Variants in NUP58 observed in about 807,000 individuals in gnomAD.
NUP58 encodes the protein nucleoporin 58.
NUP58 carries 17 observed loss-of-function variants against 70.1 expected under a neutral mutation model. The observed-to-expected ratio is 0.24, with a 90% confidence interval of 0.17 to 0.36. NUP58 has a LOEUF of 0.36. NUP58 is among the 10% of genes least tolerant of loss of function. The pLI, the probability that NUP58 is intolerant of heterozygous loss-of-function variation, is 1.00. For missense variants in NUP58, 644 were observed against 701.5 expected (o/e 0.92, Z 0.93); for synonymous variants, 275 against 257.6 (o/e 1.07, Z -0.65).
intron 15 of NUP58, 63 bp downstream of exon 15, chr13:25,338,794 T>C: frequency 1.4e-6 from 2 of 1,408,954 alleles, no homozygotes; most frequent in Non-Finnish European, 2.0e-6. Context: ...AATTTAAAAG[T>C]ATGTGTTGTT....
chr13:25,314,737 A>T (rs572391303), intron 5 of NUP58, among the ~76,000 whole-genome samples: 1 of 152,276 alleles, frequency 6.6e-6, no homozygotes, highest in African/African-American at 2.4e-5. Flanking sequence ...AGATTTATCA[A>T]CACAAGATGC....
intron 8 of NUP58, 113 bp downstream of exon 8, chr13:25,320,708 G>A: frequency 3.8e-6 from 3 of 799,484 alleles, no homozygotes; most frequent in South Asian, 3.8e-5. Flanking sequence ...TCTTAACTAG[G>A]GTTAAAATGT....
intron 2 of NUP58, 192 bp downstream of exon 2, chr13:25,308,140 C>T (rs1213893477): frequency 2.0e-6 from 1 of 494,588 alleles, no homozygotes; most frequent in African/African-American, 1.9e-5. Flanking sequence ...CTGTCATCTA[C>T]TCTGATATAA....
At chr13:25,331,658 C>A (rs1281355095) in intron 13 of NUP58, 100 bp downstream of exon 13, 1 of 1,506,462 alleles carries the variant, frequency 6.6e-7, no homozygotes, top group Non-Finnish European at 8.9e-7. Flanking sequence ...GAAGAAATTT[C>A]TATGAGTAGC....
chr13:25,319,040 A>T (rs1162087753), intron 6 of NUP58, among the ~76,000 whole-genome samples: 1 of 152,162 alleles, frequency 6.6e-6, no homozygotes, highest in Non-Finnish European at 1.5e-5. Context: ...TCTTCATAAA[A>T]TGCTTTGCTT....
chr13:25,322,128 A>G (rs1349761723), intron 9 of NUP58, among the ~76,000 whole-genome samples: 1 of 152,252 alleles, frequency 6.6e-6, no homozygotes, highest in African/African-American at 2.4e-5. Context: ...ATAGCAGTCT[A>G]GAAATCTTTC....
intron 1 of NUP58, among the ~76,000 whole-genome samples, chr13:25,306,422 A>G (rs1186836454): frequency 6.6e-6 from 1 of 151,348 alleles, no homozygotes; most frequent in Admixed American, 6.6e-5. Flanking sequence ...AAAATCTGCT[A>G]AGTGGGTACT....
rs764804771 is a variant in NUP58 at position 25,338,740 on chromosome 13, G to A, written c.1630+9G>A. 1.4e-5 allele frequency: 22 copies of A among 1,600,978 alleles called. No individual in the cohort carries two copies. The highest frequency in any genetic ancestry group is 1.9e-5 in the Non-Finnish European group (22 of 1,169,236). On this transcript the variant is annotated intron_variant, in intron 15 of 15. Coordinates refer to ENST00000381736, the MANE Select transcript of NUP58 (RefSeq NM_014089.4). ...AGGAAGTCTTAGTGCAGGTTTGTGT[G>A]TTTCTGCCTGGATTTCAGGCAAATT...
chr13:25,343,981 A>G (rs2032018394), downstream of NUP58, among the ~76,000 whole-genome samples: 1 of 151,932 alleles, frequency 6.6e-6, no homozygotes, highest in South Asian at 2.1e-4. Flanking sequence ...GTGTGTTTTA[A>G]TGTCACATTG....
chr13:25,324,893 T>C, intron 9 of NUP58, 96 bp from the exon 10 acceptor site: 1 of 802,210 alleles, frequency 1.2e-6, no homozygotes, highest in Non-Finnish European at 2.1e-6. Flanking sequence ...TGTTTGAAGT[T>C]TCAGTCCAGA....
chr13:25,331,345 T>C lies in NUP58; in HGVS notation c.1234-12T>C. The C allele has an allele frequency of 6.3e-7, 1 of 1,593,038 alleles. No homozygotes were observed. Among genetic ancestry groups the C allele is most frequent in the Non-Finnish European group, 8.5e-7 (1 of 1,178,126 alleles). On this transcript the variant is annotated splice_polypyrimidine_tract_variant and intron_variant, in intron 12 of 15. Coordinates refer to ENST00000381736, the MANE Select transcript of NUP58 (RefSeq NM_014089.4). Reference sequence around the variant, plus strand: ...AAACTTCATTTAGCCGTTTTGTTTATTATTCTTTTAGGTTCTGAAAGAACA... The same window carrying C: ...AAACTTCATTTAGCCGTTTTGTTTACTATTCTTTTAGGTTCTGAAAGAACA...
At chr13:25,309,180 T>C in intron 2 of NUP58, 67 bp from the exon 3 acceptor site, 1 of 1,216,430 alleles carries the variant, frequency 8.2e-7, no homozygotes, top group Middle Eastern at 2.1e-4. Flanking sequence ...CTTTCCCTTA[T>C]GACAGGTAAA....
At chr13:25,332,668 T>G in intron 13 of NUP58, 1 of 985,464 alleles carries the variant, frequency 1.0e-6, no homozygotes, top group Admixed American at 6.1e-5. Flanking sequence ...TTGCCATAAG[T>G]AAAGGGTTGA....
At chr13:25,315,295 A>G in intron 5 of NUP58, 62 bp from the exon 6 acceptor site, 1 of 1,187,226 alleles carries the variant, frequency 8.4e-7, no homozygotes. Context: ...GAGTCCTTTG[A>G]TCAGTAAGGG....
intron 1 of NUP58, among the ~76,000 whole-genome samples, chr13:25,305,693 T>G (rs2030314813): frequency 6.6e-6 from 1 of 152,202 alleles, no homozygotes; most frequent in African/African-American, 2.4e-5. Flanking sequence ...GCAGTATCTC[T>G]TTGCCATCGT....
intron 3 of NUP58, among the ~76,000 whole-genome samples, chr13:25,311,699 T>C (rs1022195690): frequency 6.9e-6 from 1 of 144,046 alleles, no homozygotes; most frequent in African/African-American, 2.6e-5. Flanking sequence ...TTTTTTAAGG[T>C]AACCAAGATA....
intron 13 of NUP58, chr13:25,332,432 T>C (rs1299149448): frequency 1.0e-6 from 1 of 984,120 alleles, no homozygotes; most frequent in Non-Finnish European, 1.2e-6. Context: ...TCGATATTGA[T>C]TTTTTTATTT....
chr13:25,339,562 T>C (rs1446377695), intron 15 of NUP58, among the ~76,000 whole-genome samples: 2 of 152,228 alleles, frequency 1.3e-5, no homozygotes, highest in African/African-American at 4.8e-5. Flanking sequence ...GGGTTGAAGC[T>C]TTCCTGGAGG....
chr13:25,309,112 C>T, intron 2 of NUP58, 135 bp from the exon 3 acceptor site: 1 of 647,674 alleles, frequency 1.5e-6, no homozygotes, highest in South Asian at 1.9e-5. Context: ...GTGGCAGATA[C>T]TATGATATGT....
Sources: gnomAD v4.1 joint callset for allele counts (sites outside exome capture counted in the v4.1 genomes callset) on GRCh38, gnomAD v4.1.1 for gene constraint, MANE v1.5 for transcripts, NCBI Gene and HGNC (gene_info 2026-07-23, HGNC 2026-07-21) for gene names.